SCARB1: variants seen among roughly 807,000 people sequenced by gnomAD.
The protein encoded by SCARB1 is scavenger receptor class B member 1.
Under a neutral mutation model 57.2 loss-of-function variants are expected in SCARB1, and 30 were observed. The observed-to-expected ratio is 0.52, with a 90% CI of 0.39 to 0.71. The LOEUF (loss-of-function observed/expected upper bound fraction) is 0.71. SCARB1 is among the 30% of genes least tolerant of loss of function. The pLI is 0.00. For synonymous variants in SCARB1, 249 were observed against 268.3 expected (o/e 0.93, Z 0.70); for missense variants, 543 against 671.2 (o/e 0.81, Z 2.11).
In SCARB1 at chr12:124,783,660, G is replaced by GGGAGGC. The variant is rs1439543626; in HGVS notation, c.1402-855_1402-850dup. ...CAGGTGCCTGTAATCCCAACTGCTC[G>GGGAGGC]GGAGGCTGAGGCTGAGGCTGAGGCT... On this transcript the variant is annotated intron_variant, in intron 11 of 12. Transcript: ENST00000261693. The GGGAGGC allele has an allele frequency of 4.7e-5, 7 of 150,408 alleles. No homozygotes were observed. In the East Asian group the frequency reaches 7.7e-4, roughly 17 times the overall value. 9.3% of individuals were successfully genotyped at this position (150,408 alleles called of 1,614,324 possible).
intron 4 of SCARB1, among the ~76,000 whole-genome samples, chr12:124,813,575 T>C (rs1950594494): frequency 6.6e-6 from 1 of 152,234 alleles, no homozygotes; most frequent in Non-Finnish European, 1.5e-5. Flanking sequence ...CTTCAGGATT[T>C]ACAAGATGCC....
chr12:124,801,188 G>A (rs559207649), intron 7 of SCARB1, among the ~76,000 whole-genome samples: 30 of 152,044 alleles, frequency 2.0e-4, no homozygotes, highest in African/African-American at 7.0e-4. Context: ...AACAGAGCAA[G>A]ATCCTGTCTC....
chr12:124,816,775 C>T lies in SCARB1; in HGVS notation c.284+775G>A, dbSNP rs1950734918. 1.3e-5 allele frequency among the ~76,000 whole-genome samples: 2 copies of T among 152,076 alleles called. 1 individual carries two copies. Among genetic ancestry groups the T allele is most frequent in the South Asian group, 4.1e-4 (2 of 4,826 alleles). On this transcript the variant is annotated intron_variant, in intron 2 of 12. Transcript: ENST00000261693. ...AGAGCTCCGAGTGCATCCTGAGTGT[C>T]CCGGTGACCCCATGAAGGGGCTCTT...
chr12:124,845,962 A>C (rs1221938539), intron 1 of SCARB1, among the ~76,000 whole-genome samples: 1 of 152,134 alleles, frequency 6.6e-6, no homozygotes, highest in African/African-American at 2.4e-5. Flanking sequence ...CAGTGAGCCA[A>C]GATTGCACCA....
rs1370153159 is a variant in SCARB1, at chr12:124,782,871, A to G, written c.1402-60T>C. The G allele has an allele frequency of 4.4e-6, 7 of 1,586,282 alleles. No homozygotes were observed. The African/African-American group carries it at 6.7e-5, about 15-fold the overall frequency. On this transcript the variant is annotated intron_variant, in intron 11 of 12. Coordinates refer to ENST00000261693, the MANE Select transcript of SCARB1 (RefSeq NM_005505.5). ...TGAAGCCACATAAAAATGGTTTTACACGGTTCTTCAATTTGCAAAAGGCAA... is the reference window on the plus strand; with the variant it reads ...TGAAGCCACATAAAAATGGTTTTACGCGGTTCTTCAATTTGCAAAAGGCAA...
intron 7 of SCARB1, among the ~76,000 whole-genome samples, chr12:124,806,128 C>A (rs1474449533): frequency 6.6e-6 from 1 of 152,110 alleles, no homozygotes; most frequent in African/African-American, 2.4e-5. Flanking sequence ...AAGGCGGCAA[C>A]ACTGCATTGA....
intron 12 of SCARB1, among the ~76,000 whole-genome samples, chr12:124,779,616 C>G (rs1478009311): frequency 6.6e-6 from 1 of 152,218 alleles, no homozygotes; most frequent in Non-Finnish European, 1.5e-5. Context: ...TCTAGTTTGA[C>G]AGTTGTAGAA....
intron 1 of SCARB1, among the ~76,000 whole-genome samples, chr12:124,824,207 A>C (rs1951054171): frequency 6.6e-6 from 1 of 151,956 alleles, no homozygotes; most frequent in African/African-American, 2.4e-5. Context: ...AGAAAGAAAG[A>C]AAAAGAAAGG....
Position 124,811,811 on chromosome 12 carries a change from T to C in SCARB1, c.726+59A>G, listed in dbSNP as rs1950538903. On this transcript the variant is annotated intron_variant, in intron 5 of 12. Coordinates refer to ENST00000261693, the MANE Select transcript of SCARB1 (RefSeq NM_005505.5). ...GGTCCCTGCCACTCCCGAGCAGCCA[T>C]GGCCGGGCCCACCCTCCCCTCTCCC... The C allele has an allele frequency of 3.5e-5, 43 of 1,232,354 alleles. 1 individual carries two copies. In the Middle Eastern group the frequency reaches 9.3e-4, roughly 27 times the overall value. 76.3% of individuals were successfully genotyped at this position (1,232,354 alleles called of 1,614,324 possible). A position where few individuals can be genotyped will look rare whatever the true frequency, so the allele number is the denominator to read the frequency against.
chr12:124,790,056 T>C (rs955457300), intron 9 of SCARB1, among the ~76,000 whole-genome samples: 2 of 145,332 alleles, frequency 1.4e-5, no homozygotes, highest in African/African-American at 5.2e-5. Context: ...CAGAGAGAAA[T>C]TGGACAGTGC....
chr12:124,846,537 T>C (rs1594377667), intron 1 of SCARB1, among the ~76,000 whole-genome samples: 1 of 151,716 alleles, frequency 6.6e-6, no homozygotes, highest in African/African-American at 2.4e-5. Flanking sequence ...GATCATGAGG[T>C]CAAGAGGTCG....
rs1243440391 is a variant in SCARB1, at chr12:124,796,157, T to C, written c.1129-889A>G. Among the ~76,000 whole-genome samples, 1 of 152,234 alleles carries C rather than the reference T, an allele frequency of 6.6e-6. No homozygotes were observed. Among genetic ancestry groups the C allele is most frequent in the Non-Finnish European group, 1.5e-5 (1 of 68,030 alleles). On this transcript the variant is annotated intron_variant, in intron 8 of 12. Coordinates refer to ENST00000261693, the MANE Select transcript of SCARB1 (RefSeq NM_005505.5). The surrounding 1 kb of genome is among the most constrained non-coding windows in gnomAD (Gnocchi z 4.0). ...TTAGTAAAGACAGGGTTTCACCATG[T>C]TGACCAGGCTGGTCTCAAACTCCTG...
chr12:124,781,962 G>A (rs746274170), intron 12 of SCARB1, among the ~76,000 whole-genome samples: 14 of 152,270 alleles, frequency 9.2e-5, no homozygotes, highest in Middle Eastern at 3.4e-3. Context: ...CTGGAGTGCA[G>A]TGGCACGATC....
At chr12:124,835,239 G>C (rs1317572172) in intron 1 of SCARB1, among the ~76,000 whole-genome samples, 1 of 150,830 alleles carries the variant, frequency 6.6e-6, no homozygotes, top group Non-Finnish European at 1.5e-5. Flanking sequence ...CCATCGCACC[G>C]GTCTATTTTT....
chr12:124,848,095 T>C (rs961853185), intron 1 of SCARB1, among the ~76,000 whole-genome samples: 9 of 152,206 alleles, frequency 5.9e-5, no homozygotes, highest in East Asian at 1.9e-4. Context: ...AAAAATTTTC[T>C]TTTTCTGAGA....
In SCARB1 at chr12:124,815,266, C is replaced by G. The variant is rs924811951; in HGVS notation, c.285-152G>C. 3 of 876,444 alleles carry G rather than the reference C, an allele frequency of 3.4e-6. No homozygotes were observed. The African/African-American group carries it at 5.0e-5, about 15-fold the overall frequency. 54.3% of individuals were successfully genotyped at this position (876,444 alleles called of 1,614,324 possible). A position where few individuals can be genotyped will look rare whatever the true frequency, so the allele number is the denominator to read the frequency against. The stretch of plus-strand genomic sequence containing the variant: ...CCAAAGCTGAGCTCGGCCCCTTCGC[C>G]AAGTCTGTCCCTCCCGCCGCCTGCC... On this transcript the variant is annotated intron_variant, in intron 2 of 12. Coordinates refer to ENST00000261693, the MANE Select transcript of SCARB1 (RefSeq NM_005505.5).
intron 12 of SCARB1, among the ~76,000 whole-genome samples, chr12:124,779,113 C>T (rs114229569): frequency 0.02 from 2,980 of 152,082 alleles, 116 homozygotes; most frequent in African/African-American, 0.069. Context: ...CCACCACGCC[C>T]GGCTCATTTT....
chr12:124,785,035 C>T (rs1156576930), intron 11 of SCARB1: 3 of 152,402 alleles, frequency 2.0e-5, no homozygotes, highest in Admixed American at 1.3e-4. Context: ...TGTTATCACC[C>T]CTCTTCCTGC....
chr12:124,809,572 C>T (rs1206877867), intron 6 of SCARB1, among the ~76,000 whole-genome samples: 1 of 152,210 alleles, frequency 6.6e-6, no homozygotes, highest in Non-Finnish European at 1.5e-5. Flanking sequence ...GGAGACTTGG[C>T]CCACCCTCTC....
Sources: allele counts gnomAD v4.1 joint callset (sites outside exome capture counted in the v4.1 genomes callset), GRCh38; gene constraint gnomAD v4.1.1; non-coding constraint Gnocchi (gnomAD v3.1); transcripts MANE v1.5; gene names NCBI Gene and HGNC (gene_info 2026-07-23, HGNC 2026-07-21).